Variants in CD109 observed in about 807,000 individuals in gnomAD.
The protein encoded by CD109 is CD109 molecule.
In CD109, 149 loss-of-function variants were observed where a neutral mutation model predicts 165.8. The ratio of observed to expected loss-of-function variants is 0.90; its 90% CI spans 0.79 to 1.03. CD109 has a LOEUF of 1.03. Ranked by LOEUF, CD109 falls within the 50% of genes least tolerant of loss-of-function variation. The pLI, the probability that CD109 is intolerant of heterozygous loss-of-function variation, is 0.00. For missense variants in CD109, 1,712 were observed against 1,677.8 expected (o/e 1.02, Z -0.36); for synonymous variants, 585 against 592.1 (o/e 0.99, Z 0.18).
At chr6:73,814,709 G>A (rs77605051) in intron 29 of CD109, among the ~76,000 whole-genome samples, 6,696 of 152,182 alleles carry the variant, frequency 0.044, 195 homozygotes, top group Middle Eastern at 0.092. Flanking sequence ...TGGCAAACCA[G>A]TATCCCCAAA....
intron 5 of CD109, among the ~76,000 whole-genome samples, chr6:73,753,931 G>A (rs1353150275): frequency 1.3e-5 from 2 of 152,206 alleles, no homozygotes; most frequent in African/African-American, 2.4e-5. Context: ...TTCAACAAAC[G>A]TTGAAGGCAT....
intron 5 of CD109, among the ~76,000 whole-genome samples, chr6:73,739,032 C>T (rs1281225945): frequency 2.0e-5 from 3 of 152,196 alleles, no homozygotes; most frequent in Non-Finnish European, 2.9e-5. Context: ...TCTTGCTCAC[C>T]TCTCTATTCC....
intron 16 of CD109, among the ~76,000 whole-genome samples, 156 bp from the exon 17 acceptor site, chr6:73,781,099 GTGTT>G (rs1022206087): frequency 1.3e-5 from 2 of 151,660 alleles, no homozygotes; most frequent in African/African-American, 2.4e-5. Flanking sequence ...GTGTGTGTGT[GTGTT>G]TGAGTGAGAG....
At position 73,801,738 on chromosome 6, in the gene CD109, T is replaced by C. The variant is rs144876946; in HGVS notation, c.2879-1482T>C. 2.3e-3 allele frequency among the ~76,000 whole-genome samples: 343 copies of C among 152,326 alleles called. 1 individual carries two copies. Among genetic ancestry groups the C allele is most frequent in the African/African-American group, 7.9e-3 (327 of 41,572 alleles). ...TATAGTTCTGGATGCTTCTAAAATA[T>C]GGTATTTATAAAGTCAAATTTGTTT... On this transcript the variant is annotated intron_variant, in intron 23 of 32. Coordinates refer to ENST00000287097, the MANE Select transcript of CD109 (RefSeq NM_133493.5).
At chr6:73,709,645 G>T (rs143111118) in intron 2 of CD109, among the ~76,000 whole-genome samples, 8,382 of 152,194 alleles carry the variant, frequency 0.055, 253 homozygotes, top group Middle Eastern at 0.11. Flanking sequence ...CAAAAAAAGA[G>T]AATTTTAGGC....
At chr6:73,753,641 A>G (rs1371419793) in intron 5 of CD109, among the ~76,000 whole-genome samples, 1 of 152,236 alleles carries the variant, frequency 6.6e-6, no homozygotes, top group African/African-American at 2.4e-5. Flanking sequence ...TTAAAATGTC[A>G]GTGAAAAGAA....
chr6:73,749,620 C>T (rs532354179), intron 5 of CD109, among the ~76,000 whole-genome samples: 1 of 152,242 alleles, frequency 6.6e-6, no homozygotes, highest in East Asian at 1.9e-4. Flanking sequence ...ATCAGTGATG[C>T]AAATTTCAAT....
Position 73,780,460 on chromosome 6 carries a change from T to C in CD109, c.1864T>C (p.Tyr622His), listed in dbSNP as rs1405720816. The change falls in exon 16 of 33, where the codon TAT (tyrosine) becomes CAT (histidine). Residue 622 changes from tyrosine to histidine, a missense_variant. By Grantham distance (83) the Tyr-to-His change is moderately conservative. Transcript: ENST00000287097. Reference protein sequence around the residue: ...HELELYNTGYYLGMFMNSFAV... With the variant: ...HELELYNTGYHLGMFMNSFAV... ...GTTGGAACTTTATAACACAGGATAT[T>C]ATTTAGGCATGTTCATGAATTCTTT... The C allele has an allele frequency of 1.2e-6, 2 of 1,608,718 alleles. No homozygotes were observed. The highest frequency in any genetic ancestry group is 8.5e-7 in the Non-Finnish European group (1 of 1,175,912).
intron 28 of CD109, among the ~76,000 whole-genome samples, chr6:73,811,458 A>T (rs1407275531): frequency 6.6e-6 from 1 of 152,140 alleles, no homozygotes; most frequent in African/African-American, 2.4e-5. Flanking sequence ...TATTGCATTT[A>T]CTTCTCAAAG....
chr6:73,774,543 T>G (rs1403679796), intron 15 of CD109, among the ~76,000 whole-genome samples: 1 of 152,186 alleles, frequency 6.6e-6, no homozygotes, highest in African/African-American at 2.4e-5. Context: ...TCTGTCTGCA[T>G]GTTTTCTTCA....
chr6:73,743,141 T>G (rs1772855393), intron 5 of CD109, among the ~76,000 whole-genome samples: 2 of 152,214 alleles, frequency 1.3e-5, no homozygotes, highest in African/African-American at 4.8e-5. Context: ...CCCAGCACCT[T>G]AGACATACTA....
intron 2 of CD109, among the ~76,000 whole-genome samples, chr6:73,715,774 C>T (rs996471081): frequency 3.3e-5 from 5 of 152,094 alleles, no homozygotes. Flanking sequence ...TACAAACAAT[C>T]CAGTTATACT....
At chr6:73,734,932 T>C (rs887066850) in intron 4 of CD109, among the ~76,000 whole-genome samples, 1 of 152,198 alleles carries the variant, frequency 6.6e-6, no homozygotes, top group African/African-American at 2.4e-5. Flanking sequence ...AAATATGTAT[T>C]CAAGAGAGAT....
At chr6:73,766,635 A>G (rs908114655) in intron 11 of CD109, 124 bp from the exon 12 acceptor site, 2 of 665,230 alleles carry the variant, frequency 3.0e-6, no homozygotes, top group African/African-American at 3.6e-5. Flanking sequence ...TGGTGAATGT[A>G]TTTTTCTTGC....
At chr6:73,691,722 T>C (rs12208005), upstream of CD109, among the ~76,000 whole-genome samples, 10,060 of 152,236 alleles carry the variant, frequency 0.066, 524 homozygotes, top group Admixed American at 0.17. Flanking sequence ...ACAGGGGCAA[T>C]GGTTTGCACA....
At position 73,739,924 on chromosome 6, in the gene CD109, A is replaced by G. The variant is rs566270566; in HGVS notation, c.633+3416A>G. Among the ~76,000 whole-genome samples, 279 of 152,296 alleles carry G rather than the reference A, an allele frequency of 1.8e-3. 1 individual carries two copies. Among genetic ancestry groups the G allele is most frequent in the African/African-American group, 6.4e-3 (266 of 41,560 alleles). ...TCGTCTGTCACTCAGGCTAGAGTGA[A>G]GTGGCACAATCATAGTTCACTGCAG... On this transcript the variant is annotated intron_variant, in intron 5 of 32. Coordinates refer to ENST00000287097, the MANE Select transcript of CD109 (RefSeq NM_133493.5).
intron 19 of CD109, 95 bp downstream of exon 19, chr6:73,783,919 T>A: frequency 1.5e-6 from 1 of 670,922 alleles, no homozygotes; most frequent in Non-Finnish European, 2.6e-6. Context: ...CTGCTTATAA[T>A]GTTTATCACA....
At chr6:73,722,499 C>T (rs930647244) in intron 2 of CD109, among the ~76,000 whole-genome samples, 1 of 152,190 alleles carries the variant, frequency 6.6e-6, no homozygotes, top group Non-Finnish European at 1.5e-5. Context: ...TGCCTCTGCT[C>T]TCACATGATA....
intron 7 of CD109, among the ~76,000 whole-genome samples, chr6:73,760,060 T>G (rs951026382): frequency 1.3e-5 from 2 of 152,164 alleles, no homozygotes; most frequent in African/African-American, 4.8e-5. Flanking sequence ...GACTTCCATG[T>G]CTGGCTCAGC....
Sources: allele counts gnomAD v4.1 joint callset (sites outside exome capture counted in the v4.1 genomes callset), GRCh38; gene constraint gnomAD v4.1.1; transcripts MANE v1.5; gene names NCBI Gene and HGNC (gene_info 2026-07-23, HGNC 2026-07-21).